PPP1R15A: variants seen among roughly 807,000 people sequenced by gnomAD.
PPP1R15A encodes the protein protein phosphatase 1 regulatory subunit 15A, also known as growth arrest and DNA damage-inducible protein GADD34.
Under a neutral mutation model 48.5 loss-of-function variants are expected in PPP1R15A, and 43 were observed. That is an observed-to-expected ratio of 0.89 (90% CI 0.69 to 1.14). The LOEUF is 1.14. PPP1R15A is among the 50% of genes most tolerant of loss of function. PPP1R15A has a pLI of 0.00. For synonymous variants in PPP1R15A, 327 were observed against 327.4 expected (o/e 1.00, Z 0.01); for missense variants, 868 against 847.2 (o/e 1.02, Z -0.30).
chr19:48,875,076 G>A (rs893861857), intron 2 of PPP1R15A, 178 bp downstream of exon 2: 3 of 715,986 alleles, frequency 4.2e-6, no homozygotes, highest in African/African-American at 3.6e-5. Context: ...ACAGGCGCAT[G>A]ACACCACACC....
At position 48,872,486 on chromosome 19, in the gene PPP1R15A, T is replaced by C; in HGVS notation, c.-175T>C. The C allele has an allele frequency of 2.2e-6, 1 of 456,518 alleles. No homozygotes were observed. Among genetic ancestry groups the C allele is most frequent in the Non-Finnish European group, 4.4e-6 (1 of 226,792 alleles). The allele number at this position is 456,518 out of a possible 1,614,324, so 28.3% of individuals were successfully genotyped here. A position where few individuals can be genotyped will look rare whatever the true frequency, so the allele number is the denominator to read the frequency against. The stretch of plus-strand genomic sequence containing the variant: ...GACGCTGCACGACCCCGCGCCCGCT[T>C]GTCGCCACGGCACTTGAGGCAGCCG... On this transcript the variant is annotated 5_prime_UTR_variant, in exon 1 of 3. Transcript: ENST00000200453.
At chr19:48,874,946 G>A (rs768598345) in intron 2 of PPP1R15A, 48 bp downstream of exon 2, 1 of 1,451,822 alleles carries the variant, frequency 6.9e-7, no homozygotes, top group Non-Finnish European at 9.0e-7. Flanking sequence ...TTTTAATTGA[G>A]TTGGAGTCTT....
chr19:48,875,147 T>A, intron 2 of PPP1R15A: 1 of 415,858 alleles, frequency 2.4e-6, no homozygotes, highest in Non-Finnish European at 4.2e-6. Context: ...GCCAGGCTGG[T>A]CTCAAACTCC....
At position 48,874,164 on chromosome 19, in the gene PPP1R15A, G is replaced by A; in HGVS notation, c.931G>A (p.Glu311Lys). 1 of 1,614,212 alleles carries A rather than the reference G, an allele frequency of 6.2e-7. No individual in the cohort carries two copies. Among genetic ancestry groups the A allele is most frequent in the Non-Finnish European group, 8.5e-7 (1 of 1,180,038 alleles). Residue 311 changes from glutamate to lysine, a missense_variant, in exon 2 of 3, where the codon GAG becomes AAG. Coordinates refer to ENST00000200453, the MANE Select transcript of PPP1R15A (RefSeq NM_014330.5). ...SWWCQPSDEE[E>K]GEVKALGAAE... ...GTGGTGCCAACCCAGTGATGAAGAG[G>A]AGGGTGAGGTCAAGGCTTTGGGGGC...
At position 48,873,150 on chromosome 19, in the gene PPP1R15A, T is replaced by A. The variant is rs73589816; in HGVS notation, c.-9-75T>A. 5.9e-3 allele frequency: 8,385 copies of A among 1,413,684 alleles called. 429 individuals are homozygous for A. In the African/African-American group the frequency reaches 0.1, roughly 18 times the overall value. 87.6% of individuals were successfully genotyped at this position (1,413,684 alleles called of 1,614,324 possible). A position where few individuals can be genotyped will look rare whatever the true frequency, so the allele number is the denominator to read the frequency against. On this transcript the variant is annotated intron_variant, in intron 1 of 2. Transcript: ENST00000200453. The stretch of plus-strand genomic sequence containing the variant: ...ATAGTTGTGTTACTATTTCCGTTGC[T>A]ATGACTCATAGTCACGCCCGGATGC...
rs2037075912 is a variant in PPP1R15A, at chr19:48,875,757, G to A, written c.1809G>A (p.Leu603=). Residue 603 remains leucine (L), a synonymous_variant, in exon 3 of 3, where the codon CTG becomes CTA. Coordinates refer to ENST00000200453, the MANE Select transcript of PPP1R15A (RefSeq NM_014330.5). ...ARRITQAQEE[L]SPCLTPAARA... ...GCATCACCCAGGCCCAGGAGGAGCT[G>A]AGCCCCTGCCTCACCCCTGCTGCCC... 1.2e-6 allele frequency: 2 copies of A among 1,613,774 alleles called. No individual in the cohort carries two copies. Among genetic ancestry groups the A allele is most frequent in the Non-Finnish European group, 1.7e-6 (2 of 1,179,790 alleles).
In PPP1R15A at chr19:48,873,381, G is replaced by A. The variant is rs2037033127; in HGVS notation, c.148G>A (p.Val50Ile). The A allele has an allele frequency of 1.2e-6, 2 of 1,613,968 alleles. No homozygotes were observed. The highest frequency in any genetic ancestry group is 1.7e-6 in the Non-Finnish European group (2 of 1,179,958). The change falls in exon 2 of 3, where the codon GTA becomes ATA. Residue 50 changes from valine (V) to isoleucine (I), a missense_variant. Physicochemically the swap from Val to Ile is conservative, Grantham distance 29. Transcript: ENST00000200453. The stretch of plus-strand genomic sequence containing the variant: ...TCTAGAGCCCTGGCTGGTGGAAGCA[G>A]TAAAAGGAGCAGCTCTGGTAGAAGC... Reference protein sequence around the residue: ...GPLEPWLVEAVKGAALVEAGL... With the variant: ...GPLEPWLVEAIKGAALVEAGL...
Position 48,873,237 on chromosome 19 carries a change from G to A in PPP1R15A, c.4G>A (p.Ala2Thr). M[A>T]PGQAPHQATP... ...CCCCCTTTTCCAGCCCAGACACATGGCCCCAGGCCAAGCACCCCATCAGGC... is the reference window on the plus strand; with the variant it reads ...CCCCCTTTTCCAGCCCAGACACATGACCCCAGGCCAAGCACCCCATCAGGC... Residue 2 changes from alanine to threonine, a missense_variant, in exon 2 of 3, where the codon GCC becomes ACC. Physicochemically the swap from Ala to Thr is moderately conservative, Grantham distance 58. Coordinates refer to ENST00000200453, the MANE Select transcript of PPP1R15A (RefSeq NM_014330.5). The A allele has an allele frequency of 6.6e-7, 1 of 1,519,110 alleles. No individual in the cohort carries two copies. Among genetic ancestry groups the A allele is most frequent in the Non-Finnish European group, 8.8e-7 (1 of 1,134,282 alleles). The allele number at this position is 1,519,110 out of a possible 1,614,324, so 94.1% of individuals were successfully genotyped here.
chr19:48,873,016 C>G (rs1163258279), intron 1 of PPP1R15A, among the ~76,000 whole-genome samples: 3 of 143,526 alleles, frequency 2.1e-5, no homozygotes, highest in African/African-American at 9.0e-5. Flanking sequence ...TAAGGCAGAA[C>G]TAGGGGCTCA....
intron 2 of PPP1R15A, 25 bp downstream of exon 2, chr19:48,874,923 A>C: frequency 7.3e-7 from 1 of 1,368,132 alleles, no homozygotes; most frequent in Non-Finnish European, 9.5e-7. Flanking sequence ...CCCAGATTCT[A>C]TTTTTTTTTT....
rs1247617105 is a variant in PPP1R15A at position 48,873,529 on chromosome 19, A to G, written c.296A>G (p.Lys99Arg). The G allele has an allele frequency of 6.2e-7, 1 of 1,614,052 alleles. No individual in the cohort carries two copies. Among genetic ancestry groups the G allele is most frequent in the Non-Finnish European group, 8.5e-7 (1 of 1,180,034 alleles). Residue 99 changes from lysine to arginine, a missense_variant, in exon 2 of 3, where the codon AAA becomes AGA. Transcript: ENST00000200453. Reference sequence around the variant, plus strand: ...GAGGACAGAGAAACACTGGGGCTGAAAACCAGCAGTTCCCTTCCTGAAGCC... The same window carrying G: ...GAGGACAGAGAAACACTGGGGCTGAGAACCAGCAGTTCCCTTCCTGAAGCC... Reference protein sequence around the residue: ...PGEDRETLGLKTSSSLPEAWG... With the variant: ...PGEDRETLGLRTSSSLPEAWG...
Position 48,873,929 on chromosome 19 carries a change from G to A in PPP1R15A, c.696G>A (p.Thr232=), listed in dbSNP as rs202101320. The change falls in exon 2 of 3, where the codon ACG becomes ACA. Residue 232 remains threonine, a synonymous_variant. Coordinates refer to ENST00000200453, the MANE Select transcript of PPP1R15A (RefSeq NM_014330.5). The part of the protein sequence containing the change: ...SCPGEEENQA[T]EDKRTERSKG... ...CAGGGGAGGAAGAGAATCAAGCCACGGAGGATAAAAGAACAGAAAGAAGTA... is the reference window on the plus strand; with the variant it reads ...CAGGGGAGGAAGAGAATCAAGCCACAGAGGATAAAAGAACAGAAAGAAGTA... 65 of 1,613,986 alleles carry A rather than the reference G, an allele frequency of 4.0e-5. No homozygotes were observed. In the East Asian group the frequency reaches 1.1e-3, roughly 28 times the overall value.
intron 2 of PPP1R15A, chr19:48,875,238 C>A: frequency 3.0e-6 from 1 of 331,754 alleles, no homozygotes; most frequent in Non-Finnish European, 5.5e-6. Flanking sequence ...GCTGAGAGCC[C>A]AGATTCTTGA....
At position 48,874,503 on chromosome 19, in the gene PPP1R15A, C is replaced by T. The variant is rs759350145; in HGVS notation, c.1270C>T (p.Pro424Ser). The T allele has an allele frequency of 6.2e-7, 1 of 1,613,604 alleles. No individual in the cohort carries two copies. The highest frequency in any genetic ancestry group is 8.5e-7 in the Non-Finnish European group (1 of 1,179,856). ...REAETSASTP[P>S]ASAFLKAWVY... ...AGCTGAGACTTCTGCTTCCACACCCCCTGCAAGTGCTTTCTTGAAGGCCTG... is the reference window on the plus strand; with the variant it reads ...AGCTGAGACTTCTGCTTCCACACCCTCTGCAAGTGCTTTCTTGAAGGCCTG... The change falls in exon 2 of 3, where the codon CCT (proline) becomes TCT (serine). Residue 424 changes from proline to serine, a missense_variant. Transcript: ENST00000200453.
In PPP1R15A at chr19:48,873,267, C is replaced by G. The variant is rs1334881087; in HGVS notation, c.34C>G (p.Pro12Ala). The G allele has an allele frequency of 1.9e-5, 30 of 1,562,290 alleles. No homozygotes were observed. Among genetic ancestry groups the G allele is most frequent in the Non-Finnish European group, 2.1e-5 (24 of 1,157,448 alleles). The change falls in exon 2 of 3, where the codon CCG becomes GCG. Residue 12 changes from proline (P) to alanine (A), a missense_variant. Physicochemically the swap from Pro to Ala is conservative, Grantham distance 27. Coordinates refer to ENST00000200453, the MANE Select transcript of PPP1R15A (RefSeq NM_014330.5). ...APGQAPHQAT[P>A]WRDAHPFFLL... ...AGGCCAAGCACCCCATCAGGCTACCCCGTGGAGGGATGCCCACCCTTTCTT... is the reference window on the plus strand; with the variant it reads ...AGGCCAAGCACCCCATCAGGCTACCGCGTGGAGGGATGCCCACCCTTTCTT...
rs774945114 is a variant in PPP1R15A, at chr19:48,873,306, G to A, written c.73G>A (p.Val25Met). Residue 25 changes from valine (V) to methionine (M), a missense_variant, in exon 2 of 3, where the codon GTG becomes ATG. Coordinates refer to ENST00000200453, the MANE Select transcript of PPP1R15A (RefSeq NM_014330.5). ...CCACCCTTTCTTCCTCCTGTCCCCA[G>A]TGATGGGCCTCCTCAGCCGCGCCTG... ...DAHPFFLLSPVMGLLSRAWSR... is the reference protein window; with the variant it reads ...DAHPFFLLSPMMGLLSRAWSR... The A allele has an allele frequency of 1.0e-5, 16 of 1,601,800 alleles. No individual in the cohort carries two copies. Among genetic ancestry groups the A allele is most frequent in the South Asian group, 8.9e-5 (8 of 90,222 alleles).
chr19:48,874,998 T>C, intron 2 of PPP1R15A, 100 bp downstream of exon 2: 1 of 1,347,236 alleles, frequency 7.4e-7, no homozygotes. Flanking sequence ...TGATCTTGGC[T>C]CACTGCCAAC....
At position 48,873,722 on chromosome 19, in the gene PPP1R15A, C is replaced by T. The variant is rs778110969; in HGVS notation, c.489C>T (p.Ala163=). The part of the protein sequence containing the change: ...GSDKNPGEEK[A]EEEGVAEEEG... The stretch of plus-strand genomic sequence containing the variant: ...ATAAGAACCCAGGGGAGGAGAAAGC[C>T]GAGGAAGAGGGAGTTGCTGAAGAGG... Residue 163 remains alanine (A), a synonymous_variant, in exon 2 of 3, where the codon GCC becomes GCT. Transcript: ENST00000200453. 6 of 1,613,762 alleles carry T rather than the reference C, an allele frequency of 3.7e-6. No homozygotes were observed. The highest frequency in any genetic ancestry group is 1.6e-4 in the Middle Eastern group (1 of 6,084).
Position 48,873,111 on chromosome 19 carries a change from C to G in PPP1R15A, c.-9-114C>G, listed in dbSNP as rs562024289. ...ATCAGAAAGGAATTTGGGACTCTCG[C>G]GTTGCTATTTACAATAGTTGTGTTA... On this transcript the variant is annotated intron_variant, in intron 1 of 2. Transcript: ENST00000200453. The G allele has an allele frequency of 4.2e-5, 58 of 1,368,866 alleles. No homozygotes were observed. In the African/African-American group the frequency reaches 7.8e-4, roughly 18 times the overall value. 84.8% of individuals were successfully genotyped at this position (1,368,866 alleles called of 1,614,324 possible).
Sources: allele counts gnomAD v4.1 joint callset (sites outside exome capture counted in the v4.1 genomes callset), GRCh38; gene constraint gnomAD v4.1.1; transcripts MANE v1.5; gene names NCBI Gene and HGNC (gene_info 2026-07-23, HGNC 2026-07-21).